MALRD1: variants seen among roughly 807,000 people sequenced by gnomAD.
The protein encoded by MALRD1 is MAM and LDL-receptor class A domain-containing protein 1.
Under a neutral mutation model 242.1 loss-of-function variants are expected in MALRD1, and 247 were observed. The ratio of observed to expected loss-of-function variants is 1.02; its 90% CI spans 0.92 to 1.13. The LOEUF (loss-of-function observed/expected upper bound fraction) is 1.13, where lower values mean the gene tolerates loss of function less well. Among genes scored for constraint, MALRD1 ranks in the 50% most tolerant of loss-of-function variants. The pLI, the probability that MALRD1 is intolerant of heterozygous loss-of-function variation, is 0.00. For missense variants in MALRD1, 2,989 were observed against 2,533.1 expected, an observed-to-expected ratio of 1.18 and a Z score of -3.86; for synonymous variants, 995 against 866.6, an observed-to-expected ratio of 1.15 and a Z score of -2.60.
intron 18 of MALRD1, among the ~76,000 whole-genome samples, chr10:19,245,538 AG>A (rs1839007325): frequency 6.6e-6 from 1 of 152,210 alleles, no homozygotes; most frequent in African/African-American, 2.4e-5. Context: ...TTATATTCCT[AG>A]GACTTTTATT....
chr10:19,703,350 G>A (rs537266916), intron 38 of MALRD1, among the ~76,000 whole-genome samples: 1 of 152,222 alleles, frequency 6.6e-6, no homozygotes, highest in South Asian at 2.1e-4. Context: ...TGTATATGGG[G>A]CGAGGGCCAC....
Position 19,143,424 on chromosome 10 carries a change from T to C in MALRD1, c.1412-2774T>C, listed in dbSNP as rs566594545. Among the ~76,000 whole-genome samples the C allele has an allele frequency of 2.4e-4, 36 of 152,336 alleles. No homozygotes were observed. In the South Asian group the frequency reaches 6.2e-3, roughly 26 times the overall value. The stretch of plus-strand genomic sequence containing the variant: ...AAATTAGAATGGTGCCTTCAGCAGA[T>C]ATCTGAATGAAGAACATTGCTGTTT... On this transcript the variant is annotated intron_variant, in intron 10 of 39. Coordinates refer to ENST00000454679, the MANE Select transcript of MALRD1 (RefSeq NM_001142308.3).
At position 19,441,328 on chromosome 10, in the gene MALRD1, G is replaced by A. The variant is rs1208574390; in HGVS notation, c.4846-8979G>A. On this transcript the variant is annotated intron_variant, in intron 28 of 39. Coordinates refer to ENST00000454679, the MANE Select transcript of MALRD1 (RefSeq NM_001142308.3). ...TGATGGTAGTTTCTTTTGCTGTGCA[G>A]AAGCTCTTTCATTTAATTAGATCCC... Among the ~76,000 whole-genome samples the A allele has an allele frequency of 8.5e-5, 13 of 152,290 alleles. No homozygotes were observed. The East Asian group carries it at 2.1e-3, about 25-fold the overall frequency.
At chr10:19,290,985 C>T (rs1841393926) in intron 21 of MALRD1, among the ~76,000 whole-genome samples, 1 of 152,082 alleles carries the variant, frequency 6.6e-6, no homozygotes, top group Admixed American at 6.5e-5. Flanking sequence ...GGCTCATAGC[C>T]AAGCACCGTA....
At chr10:19,136,083 T>C (rs542765899) in intron 9 of MALRD1, among the ~76,000 whole-genome samples, 4 of 152,364 alleles carry the variant, frequency 2.6e-5, no homozygotes, top group African/African-American at 9.6e-5. Context: ...TCTGTTTGCC[T>C]GATATTTTTC....
At chr10:19,672,233 A>G (rs927394954) in intron 36 of MALRD1, among the ~76,000 whole-genome samples, 6 of 151,984 alleles carry the variant, frequency 3.9e-5, no homozygotes, top group Non-Finnish European at 7.4e-5. Flanking sequence ...ATCTAACAAC[A>G]AAGATACATA....
intron 24 of MALRD1, among the ~76,000 whole-genome samples, chr10:19,337,541 G>A (rs552322585): frequency 6.6e-6 from 1 of 152,084 alleles, no homozygotes; most frequent in Middle Eastern, 3.4e-3. Flanking sequence ...GGCCATTTGT[G>A]TATCTCTTTT....
At chr10:19,321,502 G>A (rs1588906477) in intron 21 of MALRD1, among the ~76,000 whole-genome samples, 1 of 152,074 alleles carries the variant, frequency 6.6e-6, no homozygotes, top group South Asian at 2.1e-4. Flanking sequence ...TTTAATTGAT[G>A]CATGATAGAT....
intron 13 of MALRD1, among the ~76,000 whole-genome samples, chr10:19,170,397 T>G (rs1256667204): frequency 6.6e-6 from 1 of 152,202 alleles, no homozygotes; most frequent in Non-Finnish European, 1.5e-5. Flanking sequence ...AGCTTCCCAT[T>G]AAAATGTAAT....
chr10:19,341,530 A>ATGTG (rs1564577308), intron 24 of MALRD1, among the ~76,000 whole-genome samples: 24 of 145,966 alleles, frequency 1.6e-4, no homozygotes, highest in Admixed American at 1.0e-3. Flanking sequence ...ATATGTATAT[A>ATGTG]TATACACACA....
intron 21 of MALRD1, among the ~76,000 whole-genome samples, chr10:19,316,426 A>G (rs1444918065): frequency 6.6e-6 from 1 of 151,824 alleles, no homozygotes; most frequent in African/African-American, 2.4e-5. Flanking sequence ...CTGTTTCCAA[A>G]CTCTGGGGAG....
At chr10:19,207,414 G>A (rs1382032521) in intron 17 of MALRD1, among the ~76,000 whole-genome samples, 4 of 152,176 alleles carry the variant, frequency 2.6e-5, no homozygotes, top group Non-Finnish European at 5.9e-5. Context: ...GAGATCACCA[G>A]TGGATTCCTG....
rs182701387 is a variant in MALRD1 at position 19,161,382 on chromosome 10, T to C, written c.1657-4255T>C. Reference sequence around the variant, plus strand: ...GTCGGGGGAGGGGGGAGGGATAGCATTGGGAGATATACCTAATGCTAGATG... The same window carrying C: ...GTCGGGGGAGGGGGGAGGGATAGCACTGGGAGATATACCTAATGCTAGATG... On this transcript the variant is annotated intron_variant, in intron 12 of 39. Transcript: ENST00000454679. 7.6e-3 allele frequency among the ~76,000 whole-genome samples: 842 copies of C among 110,350 alleles called. 28 individuals are homozygous for C. The East Asian group carries it at 0.11, about 15-fold the overall frequency. The allele number at this position is 110,350 out of a possible 152,430, so 72.4% of individuals were successfully genotyped here.
intron 36 of MALRD1, among the ~76,000 whole-genome samples, chr10:19,659,197 A>T (rs1841307219): frequency 6.6e-6 from 1 of 152,214 alleles, no homozygotes. Flanking sequence ...TTAGCACTAT[A>T]CACTGCATAT....
Position 19,280,191 on chromosome 10 carries a change from A to T in MALRD1, c.3224A>T (p.Asp1075Val). The T allele has an allele frequency of 6.5e-7, 1 of 1,527,388 alleles. No individual in the cohort carries two copies. The highest frequency in any genetic ancestry group is 1.3e-5 in the South Asian group (1 of 79,400). The allele number at this position is 1,527,388 out of a possible 1,614,324, so 94.6% of individuals were successfully genotyped here. Residue 1075 changes from aspartate to valine, a missense_variant, in exon 20 of 40, where the codon GAC (aspartate) becomes GTC (valine). Physicochemically the swap from Asp to Val is radical, Grantham distance 152. Transcript: ENST00000454679. The stretch of plus-strand genomic sequence containing the variant: ...ATGCAGAAATGTGATTTTAAATATG[A>T]CTGCCCTGACAAATCAGATGAAGCA... The part of the protein sequence containing the change: ...EKMQKCDFKY[D>V]CPDKSDEASC...
In MALRD1 at chr10:19,171,473, CACACACACATATAT is replaced by C. The variant is rs1263942251; in HGVS notation, c.1831-3719_1831-3706del. Reference sequence around the variant, plus strand: ...ATATATATATACACACATGTATATACACACACACATATATACACACACATATATATGTGTCTATG... The same window carrying C: ...ATATATATATACACACATGTATATACACACACACATATATATGTGTCTATG... On this transcript the variant is annotated intron_variant, in intron 13 of 39. Transcript: ENST00000454679. 6.9e-5 allele frequency among the ~76,000 whole-genome samples: 9 copies of C among 130,612 alleles called. 1 individual carries two copies. The highest frequency in any genetic ancestry group is 2.1e-4 in the African/African-American group (7 of 33,888). The allele number at this position is 130,612 out of a possible 152,430, so 85.7% of individuals were successfully genotyped here.
Position 19,590,985 on chromosome 10 carries a change from C to T in MALRD1, c.5681-4209C>T, listed in dbSNP as rs565338477. 2.6e-4 allele frequency among the ~76,000 whole-genome samples: 40 copies of T among 152,186 alleles called. No homozygotes were observed. The South Asian group carries it at 3.7e-3, about 14-fold the overall frequency. On this transcript the variant is annotated intron_variant, in intron 33 of 39. Coordinates refer to ENST00000454679, the MANE Select transcript of MALRD1 (RefSeq NM_001142308.3). ...TGACAAACATATAATGACATGTATCCACCATTATAATATGACACATACAGT... is the reference window on the plus strand; with the variant it reads ...TGACAAACATATAATGACATGTATCTACCATTATAATATGACACATACAGT...
At chr10:19,466,775 A>T (rs1020150001) in intron 29 of MALRD1, among the ~76,000 whole-genome samples, 2 of 152,170 alleles carry the variant, frequency 1.3e-5, no homozygotes, top group Non-Finnish European at 2.9e-5. Context: ...AGATCCAAAC[A>T]CAAAATTCAC....
intron 4 of MALRD1, among the ~76,000 whole-genome samples, chr10:19,095,223 T>G (rs1412168236): frequency 6.6e-6 from 1 of 152,208 alleles, no homozygotes; most frequent in African/African-American, 2.4e-5. Context: ...GGATATTCAT[T>G]GTAAAAGTTG....
Sources: gnomAD v4.1 joint callset for allele counts (sites outside exome capture counted in the v4.1 genomes callset) on GRCh38, gnomAD v4.1.1 for gene constraint, MANE v1.5 for transcripts, NCBI Gene and HGNC (gene_info 2026-07-23, HGNC 2026-07-21) for gene names.